Variants in AGMO observed in about 807,000 individuals in gnomAD.
AGMO encodes alkylglycerol monooxygenase.
A neutral mutation model predicts 60.2 loss-of-function variants in AGMO; 75 were observed. The observed-to-expected ratio is 1.25, with a 90% confidence interval of 1.03 to 1.51. The LOEUF (loss-of-function observed/expected upper bound fraction) is 1.51, where lower values mean the gene tolerates loss of function less well. Ranked by LOEUF, AGMO falls within the 40% of genes most tolerant of loss-of-function variation. The pLI is 0.00. For missense variants in AGMO, 763 were observed against 525.5 expected, an observed-to-expected ratio of 1.45 and a Z score of -4.42; for synonymous variants, 261 against 177.1, an observed-to-expected ratio of 1.47 and a Z score of -3.76.
chr7:15,466,307 A>C (rs760264453), intron 3 of AGMO, among the ~76,000 whole-genome samples: 2 of 152,198 alleles, frequency 1.3e-5, no homozygotes, highest in Admixed American at 6.6e-5. Flanking sequence ...GCCAGGATTC[A>C]ATTCTGGGTA....
At chr7:15,169,987 CAT>C in the AGMO span, among the ~76,000 whole-genome samples, 1 of 152,204 alleles carries the variant, frequency 6.6e-6, no homozygotes, top group African/African-American at 2.4e-5. Context: ...ACATTTGTAA[CAT>C]GTGATGGCAA....
At chr7:15,485,709 A>G (rs1782903119) in intron 3 of AGMO, among the ~76,000 whole-genome samples, 1 of 152,112 alleles carries the variant, frequency 6.6e-6, no homozygotes. Context: ...TACAGGCTTC[A>G]CACTCTTAGC....
chr7:15,341,709 G>C (rs541315541), intron 12 of AGMO, among the ~76,000 whole-genome samples: 1 of 152,100 alleles, frequency 6.6e-6, no homozygotes, highest in South Asian at 2.1e-4. Flanking sequence ...ATACCTGAGA[G>C]AGTGGGTAAT....
In AGMO at chr7:15,252,386, TA is replaced by T. The variant is rs546629817; in HGVS notation, c.1264-51028del. 3.3e-5 allele frequency among the ~76,000 whole-genome samples: 5 copies of T among 152,318 alleles called. No individual in the cohort carries two copies. In the South Asian group the frequency reaches 1.0e-3, roughly 32 times the overall value. On this transcript the variant is annotated intron_variant, in intron 12 of 12. Transcript: ENST00000342526. The stretch of plus-strand genomic sequence containing the variant: ...GTGGGTGGAGCCCATGACTTGTTTA[TA>T]ACAAATGGAATATGGCAAAGGCTGC...
chr7:15,345,986 T>G (rs1782018457), intron 12 of AGMO, among the ~76,000 whole-genome samples: 1 of 152,142 alleles, frequency 6.6e-6, no homozygotes, highest in Non-Finnish European at 1.5e-5. Context: ...ATTAAAAACG[T>G]TAGTACAATT....
chr7:15,299,836 C>CATACACACAT (rs34747122), intron 12 of AGMO, among the ~76,000 whole-genome samples: 3 of 111,196 alleles, frequency 2.7e-5, no homozygotes, highest in Non-Finnish European at 3.6e-5. Flanking sequence ...TACATACACA[C>CATACACACAT]ACACACACAC....
At chr7:15,330,283 A>T (rs1781460704) in intron 12 of AGMO, among the ~76,000 whole-genome samples, 1 of 152,160 alleles carries the variant, frequency 6.6e-6, no homozygotes, top group East Asian at 1.9e-4. Flanking sequence ...CCTTCCTTGA[A>T]ATCATTGATA....
intron 3 of AGMO, among the ~76,000 whole-genome samples, chr7:15,440,552 C>T (rs80040536): frequency 0.041 from 6,208 of 152,230 alleles, 153 homozygotes; most frequent in African/African-American, 0.066. Flanking sequence ...TATAAAAACA[C>T]ACATAGTTTC....
chr7:15,352,982 G>A (rs941444267), intron 12 of AGMO, among the ~76,000 whole-genome samples: 2 of 151,972 alleles, frequency 1.3e-5, no homozygotes, highest in African/African-American at 4.8e-5. Flanking sequence ...GGGGAGTGTC[G>A]GATGCGCAGG....
intron 12 of AGMO, among the ~76,000 whole-genome samples, chr7:15,252,831 C>T (rs1782978458): frequency 6.6e-6 from 1 of 152,036 alleles, no homozygotes; most frequent in South Asian, 2.1e-4. Flanking sequence ...GTAACAGATA[C>T]TGAAAAAGGG....
the AGMO span, among the ~76,000 whole-genome samples, chr7:15,178,139 G>C: frequency 6.6e-6 from 1 of 152,058 alleles, no homozygotes; most frequent in African/African-American, 2.4e-5. Flanking sequence ...TGGGGGAGTG[G>C]AATATACTGT....
intron 12 of AGMO, among the ~76,000 whole-genome samples, chr7:15,246,936 G>A (rs774044628): frequency 2.0e-5 from 3 of 152,072 alleles, no homozygotes; most frequent in Non-Finnish European, 4.4e-5. Context: ...CCCCCAAGTA[G>A]CTGGGATTAC....
At chr7:15,443,345 T>A (rs915606440) in intron 3 of AGMO, among the ~76,000 whole-genome samples, 1 of 152,172 alleles carries the variant, frequency 6.6e-6, no homozygotes, top group African/African-American at 2.4e-5. Context: ...CATCTTCATG[T>A]TCCCCCTAGA....
chr7:15,446,863 G>A (rs931279124), intron 3 of AGMO, among the ~76,000 whole-genome samples: 1 of 152,146 alleles, frequency 6.6e-6, no homozygotes, highest in Non-Finnish European at 1.5e-5. Context: ...GCTAGGAAGT[G>A]CAAACTGTTC....
At chr7:15,551,471 C>A (rs1784958330) in intron 2 of AGMO, among the ~76,000 whole-genome samples, 2 of 149,586 alleles carry the variant, frequency 1.3e-5, no homozygotes, top group South Asian at 4.3e-4. Flanking sequence ...TCAGCAAAGT[C>A]TCAGGATACA....
intron 12 of AGMO, among the ~76,000 whole-genome samples, chr7:15,221,355 G>T (rs1038297624): frequency 2.0e-5 from 3 of 152,054 alleles, no homozygotes; most frequent in African/African-American, 7.2e-5. Flanking sequence ...TAGCTAGAAA[G>T]CTGCCTTTTG....
At chr7:15,528,462 T>G (rs1784183886) in intron 3 of AGMO, among the ~76,000 whole-genome samples, 1 of 152,078 alleles carries the variant, frequency 6.6e-6, no homozygotes, top group South Asian at 2.1e-4. Context: ...TCCTGTCTTG[T>G]GGTAATCCTG....
At chr7:15,531,215 TC>T (rs1784329242) in intron 3 of AGMO, among the ~76,000 whole-genome samples, 1 of 85,952 alleles carries the variant, frequency 1.2e-5, no homozygotes, top group Admixed American at 1.8e-4. Context: ...TTCTATATAT[TC>T]TATATATATT....
Position 15,498,244 on chromosome 7 carries a change from C to A in AGMO, c.409+46528G>T, listed in dbSNP as rs1324859865. ...GGCACACAAATAACTTGTTACAATT[C>A]TTTGCTAAACTTTTTCATCTAGAAA... On this transcript the variant is annotated intron_variant, in intron 3 of 12. Coordinates refer to ENST00000342526, the MANE Select transcript of AGMO (RefSeq NM_001004320.2). Among the ~76,000 whole-genome samples the A allele has an allele frequency of 2.6e-5, 4 of 151,900 alleles. No homozygotes were observed. The East Asian group carries it at 7.7e-4, about 29-fold the overall frequency.
Sources: allele counts gnomAD v4.1 joint callset (sites outside exome capture counted in the v4.1 genomes callset), GRCh38; gene constraint gnomAD v4.1.1; transcripts MANE v1.5; gene names NCBI Gene and HGNC (gene_info 2026-07-23, HGNC 2026-07-21).